The following PRKN variants were observed in gnomAD, a reference collection of about 807,000 sequenced individuals.
The protein encoded by PRKN is parkin RBR E3 ubiquitin protein ligase, also known as E3 ubiquitin-protein ligase parkin.
In PRKN, 56 loss-of-function variants were observed where a neutral mutation model predicts 59.5. The ratio of observed to expected loss-of-function variants is 0.94; its 90% CI spans 0.76 to 1.18. The LOEUF (loss-of-function observed/expected upper bound fraction) is 1.18, where lower values mean the gene tolerates loss of function less well. Ranked by LOEUF, PRKN falls within the 50% of genes most tolerant of loss-of-function variation. The pLI is 0.00. For missense variants in PRKN, 657 were observed against 596.4 expected (o/e 1.10, Z -1.06); for synonymous variants, 250 against 222.1 (o/e 1.13, Z -1.12).
rs888480162 is a variant in PRKN, at chr6:161,445,403, T to C, written c.1084-58526A>G. 6.6e-6 allele frequency among the ~76,000 whole-genome samples: 1 copy of C among 152,062 alleles called. No individual in the cohort carries two copies. Among genetic ancestry groups the C allele is most frequent in the Non-Finnish European group, 1.5e-5 (1 of 68,008 alleles). ...TGGCCACCGAGTCAAGCAGCGTAGA[T>C]TGATCAGAGGAGCTGAGAGCTGAGG... is the stretch of plus-strand genomic sequence containing the variant. On this transcript the variant is annotated intron_variant, in intron 9 of 11. Transcript: ENST00000366898. This position sits in a 1 kb window ranked among gnomAD's most constrained non-coding sequence, Gnocchi z 7.7.
intron 2 of PRKN, among the ~76,000 whole-genome samples, chr6:162,337,866 G>A (rs1372784602): frequency 1.3e-5 from 2 of 152,104 alleles, no homozygotes; most frequent in Non-Finnish European, 2.9e-5. Flanking sequence ...TTAAGAAAAT[G>A]TGAGAGTATT....
intron 3 of PRKN, among the ~76,000 whole-genome samples, chr6:162,261,205 G>A (rs1779873334): frequency 6.6e-6 from 1 of 152,106 alleles, no homozygotes; most frequent in South Asian, 2.1e-4. Context: ...GTAAGGAGAG[G>A]GAGACACCCT....
At chr6:161,794,868 T>C (rs949042823) in intron 6 of PRKN, among the ~76,000 whole-genome samples, 2 of 152,202 alleles carry the variant, frequency 1.3e-5, no homozygotes, top group African/African-American at 2.4e-5. Context: ...ATTTAGAAAG[T>C]ATTGCTTTTA....
intron 2 of PRKN, among the ~76,000 whole-genome samples, chr6:162,314,569 T>A (rs991981576): frequency 6.6e-6 from 1 of 152,106 alleles, no homozygotes; most frequent in Non-Finnish European, 1.5e-5. Flanking sequence ...GAATTCTCCC[T>A]AGGTTCTCTC....
chr6:161,830,100 G>A (rs1271483496), intron 6 of PRKN, among the ~76,000 whole-genome samples: 3 of 152,238 alleles, frequency 2.0e-5, no homozygotes, highest in Admixed American at 6.5e-5. Flanking sequence ...CTTGTAGGGC[G>A]AGGTCAGTAA....
At chr6:161,739,122 G>C (rs1788085121) in intron 7 of PRKN, among the ~76,000 whole-genome samples, 1 of 152,088 alleles carries the variant, frequency 6.6e-6, no homozygotes, top group African/African-American at 2.4e-5. Flanking sequence ...GAGAGGGGCA[G>C]GGCGGCCAGG....
intron 3 of PRKN, among the ~76,000 whole-genome samples, chr6:162,233,235 T>C (rs1778499377): frequency 6.6e-6 from 1 of 152,204 alleles, no homozygotes; most frequent in Non-Finnish European, 1.5e-5. Context: ...TATTCATTAA[T>C]ATTGGCTATT....
At chr6:162,233,040 TA>T (rs1778490814) in intron 3 of PRKN, among the ~76,000 whole-genome samples, 1 of 152,180 alleles carries the variant, frequency 6.6e-6, no homozygotes, top group African/African-American at 2.4e-5. Flanking sequence ...AATGAACAAC[TA>T]TATTTCCTTA....
intron 6 of PRKN, among the ~76,000 whole-genome samples, chr6:161,888,213 C>T (rs1250901345): frequency 2.6e-5 from 4 of 152,144 alleles, no homozygotes; most frequent in South Asian, 4.2e-4. Context: ...ATGTGTCCTT[C>T]CATTTGGGGG....
chr6:161,507,324 T>C (rs508605), intron 9 of PRKN, among the ~76,000 whole-genome samples: 121,313 of 152,190 alleles, frequency 0.8, 48,609 homozygotes, highest in Middle Eastern at 0.87. Flanking sequence ...ATTTGTAACA[T>C]TGCTCATCTC....
chr6:162,188,079 C>T (rs1008590497), intron 4 of PRKN, among the ~76,000 whole-genome samples: 7 of 152,248 alleles, frequency 4.6e-5, no homozygotes, highest in Middle Eastern at 3.4e-3. Flanking sequence ...CCTGCAAACT[C>T]TCTTTTTGCC....
intron 2 of PRKN, among the ~76,000 whole-genome samples, chr6:162,271,845 T>G (rs2128103438): frequency 6.6e-6 from 1 of 152,334 alleles, no homozygotes; most frequent in Non-Finnish European, 1.5e-5. Flanking sequence ...AAAAGATGAA[T>G]ATTTGTGATT....
At chr6:162,491,952 A>G (rs949250015) in intron 1 of PRKN, among the ~76,000 whole-genome samples, 2 of 152,190 alleles carry the variant, frequency 1.3e-5, no homozygotes, top group Admixed American at 1.3e-4. Flanking sequence ...TGATACCTGG[A>G]CTGAGTACCT....
At chr6:162,175,408 C>T (rs958328986) in intron 4 of PRKN, among the ~76,000 whole-genome samples, 10 of 152,114 alleles carry the variant, frequency 6.6e-5, no homozygotes, top group Admixed American at 6.5e-5. Flanking sequence ...ATAGCAGGTA[C>T]TTTATGAAGA....
At chr6:161,600,795 G>A (rs1344447401) in intron 7 of PRKN, among the ~76,000 whole-genome samples, 2 of 151,662 alleles carry the variant, frequency 1.3e-5, no homozygotes, top group African/African-American at 4.9e-5. Context: ...CTTCCTCCCT[G>A]ATTCCCCTTT....
intron 1 of PRKN, among the ~76,000 whole-genome samples, chr6:162,651,529 CA>C (rs1778430967): frequency 6.6e-6 from 1 of 152,194 alleles, no homozygotes; most frequent in Admixed American, 6.5e-5. Flanking sequence ...TAACCTGAAA[CA>C]ACCTCCTCCG....
At chr6:162,372,355 C>T (rs1428515299) in intron 2 of PRKN, among the ~76,000 whole-genome samples, 3 of 152,148 alleles carry the variant, frequency 2.0e-5, no homozygotes, top group Non-Finnish European at 4.4e-5. Context: ...TCCCTGGAGA[C>T]TCTGGGACAC....
chr6:161,992,230 C>A (rs908834235), intron 5 of PRKN, among the ~76,000 whole-genome samples: 8 of 151,944 alleles, frequency 5.3e-5, no homozygotes, highest in African/African-American at 1.9e-4. Flanking sequence ...ATCCCAGCTA[C>A]TAGGGGGGCT....
chr6:162,319,958 C>T (rs1005148646), intron 2 of PRKN, among the ~76,000 whole-genome samples: 2 of 151,774 alleles, frequency 1.3e-5, no homozygotes. Context: ...ATCATTCATC[C>T]TACTTCCACC....
Sources: gnomAD v4.1 joint callset for allele counts (sites outside exome capture counted in the v4.1 genomes callset) on GRCh38, gnomAD v4.1.1 for gene constraint, Gnocchi (gnomAD v3.1) non-coding constraint, MANE v1.5 for transcripts, NCBI Gene and HGNC (gene_info 2026-07-23, HGNC 2026-07-21) for gene names.